Variants in SVOP observed in about 807,000 individuals in gnomAD.
SVOP encodes SV2 related protein.
Under a neutral mutation model 69.1 loss-of-function variants are expected in SVOP, and 17 were observed. The observed-to-expected ratio is 0.25, with a 90% confidence interval of 0.17 to 0.37. SVOP has a LOEUF of 0.37. SVOP is among the 10% of genes least tolerant of loss of function. SVOP has a pLI of 1.00. For missense variants in SVOP, 435 were observed against 597.5 expected (o/e 0.73, Z 2.84); for synonymous variants, 238 against 238.6 (o/e 1.00, Z 0.02).
chr12:108,989,615 A>C (rs2040187546), intron 1 of SVOP, among the ~76,000 whole-genome samples: 2 of 152,092 alleles, frequency 1.3e-5, no homozygotes, highest in African/African-American at 4.8e-5. Context: ...CCAGCAGTGG[A>C]GAGCATAATC....
At chr12:108,983,541 G>A in intron 2 of SVOP, 60 bp downstream of exon 2, 4 of 398,666 alleles carry the variant, frequency 1.0e-5, no homozygotes, top group Non-Finnish European at 1.8e-5. Context: ...GAAATTGCCT[G>A]CTGGGTAGGC....
intron 1 of SVOP, among the ~76,000 whole-genome samples, chr12:108,984,374 G>A (rs1318360472): frequency 6.6e-6 from 1 of 152,154 alleles, no homozygotes; most frequent in Non-Finnish European, 1.5e-5. Flanking sequence ...AATGTCTCTT[G>A]AAAAAGTAGA....
In SVOP at chr12:108,912,499, G is replaced by A. The variant is rs1323013941; in HGVS notation, c.*36C>T. The A allele has an allele frequency of 6.2e-7, 1 of 1,610,992 alleles. No individual in the cohort carries two copies. Among genetic ancestry groups the A allele is most frequent in the Non-Finnish European group, 8.5e-7 (1 of 1,177,500 alleles). On this transcript the variant is annotated 3_prime_UTR_variant, in exon 16 of 16. Coordinates refer to ENST00000610966, the MANE Select transcript of SVOP (RefSeq NM_018711.5). ...GGGGCCTGCCAGCCCCCCAAGCTCT[G>A]CAGCCTCAAAGACCAGCTCAGTCCC...
At chr12:108,940,951 TCC>T in intron 7 of SVOP, 42 bp from the exon 8 acceptor site, 1 of 1,525,674 alleles carries the variant, frequency 6.6e-7, no homozygotes. Flanking sequence ...GGTAGCATGG[TCC>T]ATACAGAGAG....
chr12:108,955,655 C>T (rs976421792), intron 6 of SVOP, among the ~76,000 whole-genome samples: 4 of 152,198 alleles, frequency 2.6e-5, no homozygotes, highest in Non-Finnish European at 5.9e-5. Context: ...GTCATATCTC[C>T]CCTGTCCCTG....
intron 11 of SVOP, among the ~76,000 whole-genome samples, chr12:108,928,986 A>C (rs921130962): frequency 6.6e-6 from 1 of 152,208 alleles, no homozygotes; most frequent in African/African-American, 2.4e-5. Context: ...AAGAATCTGA[A>C]CAGGCCTTGC....
chr12:109,008,970 T>TC (rs1161204640), intron 1 of SVOP, among the ~76,000 whole-genome samples: 20 of 144,986 alleles, frequency 1.4e-4, no homozygotes, highest in Non-Finnish European at 2.7e-4. Context: ...CTTTTTTTTT[T>TC]TTTTTTTTTG....
chr12:108,924,658 C>G (rs1281551757), intron 11 of SVOP, among the ~76,000 whole-genome samples: 2 of 152,124 alleles, frequency 1.3e-5, no homozygotes, highest in Admixed American at 6.5e-5. Context: ...AGAGAAATAC[C>G]AGGCACCTAG....
chr12:108,997,953 T>C (rs949342513), intron 1 of SVOP, among the ~76,000 whole-genome samples: 1 of 149,288 alleles, frequency 6.7e-6, no homozygotes, highest in Non-Finnish European at 1.5e-5. Flanking sequence ...GGAACAAAGC[T>C]GGATGGAGAA....
At chr12:109,003,818 G>A (rs1379194615) in intron 1 of SVOP, among the ~76,000 whole-genome samples, 6 of 152,058 alleles carry the variant, frequency 3.9e-5, no homozygotes, top group Non-Finnish European at 7.4e-5. Flanking sequence ...ATGTTGCCCA[G>A]GCTGGTCTCA....
intron 11 of SVOP, among the ~76,000 whole-genome samples, chr12:108,927,773 T>C (rs2039790265): frequency 1.3e-5 from 2 of 152,064 alleles, no homozygotes; most frequent in South Asian, 2.1e-4. Context: ...TTTTTTGTAC[T>C]TTTTATAGAG....
At chr12:109,003,280 T>C (rs2040284042) in intron 1 of SVOP, among the ~76,000 whole-genome samples, 1 of 152,232 alleles carries the variant, frequency 6.6e-6, no homozygotes, top group Admixed American at 6.5e-5. Flanking sequence ...TGGACCCTTC[T>C]GTAATGTTTG....
intron 1 of SVOP, among the ~76,000 whole-genome samples, chr12:108,997,336 A>G (rs1307905107): frequency 6.6e-6 from 1 of 152,050 alleles, no homozygotes; most frequent in Non-Finnish European, 1.5e-5. Context: ...GCTGATTGCT[A>G]GCACAGCAGT....
chr12:108,928,214 C>G (rs765839096), intron 11 of SVOP, among the ~76,000 whole-genome samples: 1 of 151,884 alleles, frequency 6.6e-6, no homozygotes, highest in African/African-American at 2.4e-5. Context: ...AACCCCCACA[C>G]CCCCCTGACC....
rs981831080 is a variant in SVOP, at chr12:108,984,402, G to T, written c.36-641C>A. ...AAAGTAGAATATCTCGCTGTCTGGAGCCCACATTCCTGCATTGGAATTGTG... is the reference window on the plus strand; with the variant it reads ...AAAGTAGAATATCTCGCTGTCTGGATCCCACATTCCTGCATTGGAATTGTG... On this transcript the variant is annotated intron_variant, in intron 1 of 15. Transcript: ENST00000610966. 4.1e-3 allele frequency among the ~76,000 whole-genome samples: 628 copies of T among 152,298 alleles called. 7 individuals carry two copies. The highest frequency in any genetic ancestry group is 0.014 in the African/African-American group (599 of 41,576).
intron 11 of SVOP, among the ~76,000 whole-genome samples, chr12:108,923,396 C>T (rs2039761981): frequency 6.6e-6 from 1 of 152,140 alleles, no homozygotes; most frequent in South Asian, 2.1e-4. Context: ...AGGGCAGCCT[C>T]AGTTGACAGC....
chr12:108,912,646 G>T lies in SVOP; in HGVS notation c.1536C>A (p.Thr512=). The T allele has an allele frequency of 6.2e-7, 1 of 1,613,964 alleles. No individual in the cohort carries two copies. The highest frequency in any genetic ancestry group is 1.1e-5 in the South Asian group (1 of 91,092). The change falls in exon 16 of 16, where the codon ACC becomes ACA. Residue 512 remains threonine, a synonymous_variant. Transcript: ENST00000610966. ...ALASCFLPIE[T]KGRGLQESSH... ...TGGACTCCTGCAGTCCTCGGCCTTT[G>T]GTCTCAATGGGCAAAAAGCAGGAGG...
At chr12:108,993,280 T>C (rs1032944890) in intron 1 of SVOP, among the ~76,000 whole-genome samples, 1 of 151,710 alleles carries the variant, frequency 6.6e-6, no homozygotes, top group Non-Finnish European at 1.5e-5. Flanking sequence ...AGTGCAGGTA[T>C]TACAGATGTA....
At chr12:108,974,061 G>A (rs1410516617) in intron 4 of SVOP, among the ~76,000 whole-genome samples, 1 of 152,222 alleles carries the variant, frequency 6.6e-6, no homozygotes, top group Non-Finnish European at 1.5e-5. Context: ...GCAATTTGGA[G>A]AGCGTTTTTA....
Sources: gnomAD v4.1 joint callset for allele counts (sites outside exome capture counted in the v4.1 genomes callset) on GRCh38, gnomAD v4.1.1 for gene constraint, MANE v1.5 for transcripts, NCBI Gene and HGNC (gene_info 2026-07-23, HGNC 2026-07-21) for gene names.